The following PRKG1 variants were observed in gnomAD, a reference collection of about 807,000 sequenced individuals.
PRKG1 encodes the protein cGMP-dependent protein kinase 1.
A neutral mutation model predicts 88.1 loss-of-function variants in PRKG1; 35 were observed. That is an observed-to-expected ratio of 0.40 (90% CI 0.30 to 0.53). PRKG1 has a LOEUF of 0.53. PRKG1 is among the 20% of genes least tolerant of loss of function. PRKG1 has a pLI of 0.59. For synonymous variants in PRKG1, 303 were observed against 292.5 expected, an observed-to-expected ratio of 1.04 and a Z score of -0.37; for missense variants, 540 against 839.8, an observed-to-expected ratio of 0.64 and a Z score of 4.41.
intron 3 of PRKG1, among the ~76,000 whole-genome samples, chr10:51,492,553 T>G (rs1840733561): frequency 6.6e-6 from 1 of 152,148 alleles, no homozygotes; most frequent in African/African-American, 2.4e-5. Context: ...CCCTTTGTGC[T>G]ATGTAAATAC....
chr10:51,827,334 A>C (rs867609049), intron 4 of PRKG1, among the ~76,000 whole-genome samples: 69 of 152,266 alleles, frequency 4.5e-4, no homozygotes, highest in African/African-American at 1.5e-3. Flanking sequence ...GAAGATAATT[A>C]AACTGAAAAT....
intron 5 of PRKG1, among the ~76,000 whole-genome samples, chr10:52,019,180 G>C (rs1293604077): frequency 6.6e-6 from 1 of 152,006 alleles, no homozygotes; most frequent in Non-Finnish European, 1.5e-5. Flanking sequence ...CCCCACGGAG[G>C]GAAGGCATTA....
intron 2 of PRKG1, among the ~76,000 whole-genome samples, chr10:51,231,719 T>TC (rs1162436376): frequency 6.6e-6 from 1 of 152,180 alleles, no homozygotes; most frequent in African/African-American, 2.4e-5. Flanking sequence ...CATTTTTTTT[T>TC]TTTTTTTACC....
intron 3 of PRKG1, among the ~76,000 whole-genome samples, chr10:51,770,141 T>C (rs890483933): frequency 3.9e-5 from 6 of 152,254 alleles, no homozygotes; most frequent in African/African-American, 1.4e-4. Context: ...AGAGATATTA[T>C]GCGTCCTCTA....
At chr10:51,595,924 G>A (rs76506190) in intron 3 of PRKG1, among the ~76,000 whole-genome samples, 79 of 151,938 alleles carry the variant, frequency 5.2e-4, no homozygotes, top group African/African-American at 1.7e-3. Flanking sequence ...AACCTCTGCC[G>A]GATTCAAGCG....
Position 51,840,517 on chromosome 10 carries a change from T to TTTTATTTA in PRKG1, c.698+35866_698+35873dup, listed in dbSNP as rs66516508. ...ACCTATGTCTTTATTGAACCCTCTATTTTATTTATTTATTTATTTATTTAT... is the reference window on the plus strand; with the variant it reads ...ACCTATGTCTTTATTGAACCCTCTATTTTATTTATTTATTTATTTATTTATTTATTTAT... On this transcript the variant is annotated intron_variant, in intron 4 of 17. Coordinates refer to ENST00000373980, the MANE Select transcript of PRKG1 (RefSeq NM_006258.4). 3.4e-3 allele frequency among the ~76,000 whole-genome samples: 479 copies of TTTTATTTA among 139,848 alleles called. 1 individual carries two copies. Among genetic ancestry groups the TTTTATTTA allele is most frequent in the Middle Eastern group, 7.4e-3 (2 of 272 alleles). 91.7% of individuals were successfully genotyped at this position (139,848 alleles called of 152,430 possible).
intron 2 of PRKG1, among the ~76,000 whole-genome samples, chr10:51,321,088 AT>A (rs889036525): frequency 5.9e-5 from 9 of 152,144 alleles, no homozygotes; most frequent in East Asian, 1.9e-4. Context: ...TTTTGTTTAA[AT>A]TTTTTTTGTG....
At chr10:52,165,825 T>C (rs1250097587) in intron 9 of PRKG1, among the ~76,000 whole-genome samples, 1 of 152,178 alleles carries the variant, frequency 6.6e-6, no homozygotes, top group African/African-American at 2.4e-5. Context: ...CAGAAAGATT[T>C]CACAAAATGT....
At chr10:51,497,264 C>T (rs1326203477) in intron 3 of PRKG1, among the ~76,000 whole-genome samples, 1 of 152,042 alleles carries the variant, frequency 6.6e-6, no homozygotes, top group Non-Finnish European at 1.5e-5. Flanking sequence ...GTTATCTTTC[C>T]TCTTTAGATT....
intron 2 of PRKG1, among the ~76,000 whole-genome samples, chr10:51,307,143 T>G (rs1003037158): frequency 6.6e-6 from 1 of 152,048 alleles, no homozygotes; most frequent in Admixed American, 6.6e-5. Flanking sequence ...GTTAATATAT[T>G]ATATATTATT....
At chr10:51,409,871 G>C (rs78911106) in intron 2 of PRKG1, among the ~76,000 whole-genome samples, 1,313 of 62,090 alleles carry the variant, frequency 0.021, 21 homozygotes, top group African/African-American at 0.07. Context: ...AAAAAAAAAA[G>C]GAGAGTAGTT....
chr10:50,995,255 G>A (rs955110954), intron 1 of PRKG1, among the ~76,000 whole-genome samples: 5 of 152,094 alleles, frequency 3.3e-5, no homozygotes, highest in Non-Finnish European at 5.9e-5. Flanking sequence ...AGTCCAATTA[G>A]CCAGATTTCT....
chr10:51,571,317 A>G (rs1837746724), intron 3 of PRKG1, among the ~76,000 whole-genome samples: 1 of 151,944 alleles, frequency 6.6e-6, no homozygotes, highest in Non-Finnish European at 1.5e-5. Context: ...TCCTATGTTT[A>G]ACCTGAAAGG....
intron 1 of PRKG1, among the ~76,000 whole-genome samples, chr10:51,093,631 T>G (rs1844450443): frequency 6.7e-6 from 1 of 150,306 alleles, no homozygotes; most frequent in South Asian, 2.1e-4. Flanking sequence ...CTTCATAATT[T>G]TTTTTCACAT....
chr10:52,133,460 G>A (rs1446791815), intron 7 of PRKG1, among the ~76,000 whole-genome samples: 1 of 152,122 alleles, frequency 6.6e-6, no homozygotes, highest in Non-Finnish European at 1.5e-5. Context: ...AAATGGATCA[G>A]ATACTCAGTT....
At chr10:51,255,631 T>A (rs9943367) in intron 2 of PRKG1, among the ~76,000 whole-genome samples, 81,422 of 151,922 alleles carry the variant, frequency 0.54, 22,149 homozygotes, top group African/African-American at 0.63. Context: ...TGATGTTCAG[T>A]GAAAGCTGTG....
intron 8 of PRKG1, among the ~76,000 whole-genome samples, chr10:52,156,274 G>C (rs1427948273): frequency 6.6e-6 from 1 of 151,876 alleles, no homozygotes; most frequent in Non-Finnish European, 1.5e-5. Flanking sequence ...ATATGATTTT[G>C]AGTAGATGAA....
chr10:51,478,397 G>C (rs1228867511), intron 3 of PRKG1, among the ~76,000 whole-genome samples: 1 of 152,052 alleles, frequency 6.6e-6, no homozygotes, highest in Non-Finnish European at 1.5e-5. Flanking sequence ...GGGTAAAGCT[G>C]CTGGTGATGG....
intron 3 of PRKG1, among the ~76,000 whole-genome samples, chr10:51,491,714 C>A (rs1041893308): frequency 6.6e-6 from 1 of 151,976 alleles, no homozygotes; most frequent in Non-Finnish European, 1.5e-5. Context: ...TGTGAATGAT[C>A]GAGTAATTCA....
Sources: gnomAD v4.1 joint callset for allele counts (sites outside exome capture counted in the v4.1 genomes callset) on GRCh38, gnomAD v4.1.1 for gene constraint, MANE v1.5 for transcripts, NCBI Gene and HGNC (gene_info 2026-07-23, HGNC 2026-07-21) for gene names.